PDE11A: variants seen among roughly 807,000 people sequenced by gnomAD.
The protein encoded by PDE11A is phosphodiesterase 11A.
In PDE11A, 100 loss-of-function variants were observed where a neutral mutation model predicts 100.5. The ratio of observed to expected loss-of-function variants is 1.00; its 90% CI spans 0.85 to 1.18. PDE11A has a LOEUF of 1.18. Among genes scored for constraint, PDE11A ranks in the 50% most tolerant of loss-of-function variants. The probability of loss-of-function intolerance (pLI) is 0.00; values close to 1 mark genes in which losing one functional copy is unlikely to be tolerated. For missense variants in PDE11A, 1,141 were observed against 1,152.6 expected (o/e 0.99, Z 0.15); for synonymous variants, 381 against 420.8 (o/e 0.91, Z 1.16).
intron 19 of PDE11A, among the ~76,000 whole-genome samples, chr2:177,651,351 T>TC (rs2080305635): frequency 6.6e-6 from 1 of 152,224 alleles, no homozygotes; most frequent in Non-Finnish European, 1.5e-5. Flanking sequence ...TCCACATACT[T>TC]CACCTCCCTT....
chr2:177,747,534 G>A (rs1245522211), intron 10 of PDE11A, among the ~76,000 whole-genome samples: 1 of 152,184 alleles, frequency 6.6e-6, no homozygotes, highest in Non-Finnish European at 1.5e-5. Context: ...CTTGAAGGAA[G>A]GTAAAGAAGT....
In PDE11A at chr2:177,871,618, G is replaced by T. The variant is rs1574237343; in HGVS notation, c.1367+4241C>A. Among the ~76,000 whole-genome samples the T allele has an allele frequency of 2.0e-5, 3 of 151,016 alleles. No individual in the cohort carries two copies. In the South Asian group the frequency reaches 6.3e-4, roughly 32 times the overall value. On this transcript the variant is annotated intron_variant, in intron 5 of 19. Transcript: ENST00000286063. The stretch of plus-strand genomic sequence containing the variant: ...TGGTGGTTCACGCCAGCACTTTTGG[G>T]AGGCCAAAGCAGGAGGATCCCTTGA...
intron 10 of PDE11A, among the ~76,000 whole-genome samples, chr2:177,740,497 A>G (rs2081856529): frequency 6.6e-6 from 1 of 152,194 alleles, no homozygotes; most frequent in Non-Finnish European, 1.5e-5. Flanking sequence ...AGATTCTATT[A>G]CTAGTCCCAG....
At chr2:177,990,382 T>A (rs2085987714) in intron 2 of PDE11A, among the ~76,000 whole-genome samples, 2 of 152,144 alleles carry the variant, frequency 1.3e-5, no homozygotes, top group Non-Finnish European at 2.9e-5. Flanking sequence ...AGCTTAACGA[T>A]TTTCATTTTC....
At chr2:177,913,597 C>T (rs140239884) in intron 2 of PDE11A, among the ~76,000 whole-genome samples, 10 of 152,256 alleles carry the variant, frequency 6.6e-5, no homozygotes, top group Admixed American at 6.5e-4. Context: ...TGGCTACAGT[C>T]ACACAATATC....
chr2:177,764,860 C>G (rs1057197227), intron 10 of PDE11A, among the ~76,000 whole-genome samples: 1 of 152,198 alleles, frequency 6.6e-6, no homozygotes, highest in Non-Finnish European at 1.5e-5. Flanking sequence ...CAACCTGAAT[C>G]AGACTTTTGA....
chr2:177,865,444 G>T (rs1291217994), intron 5 of PDE11A, among the ~76,000 whole-genome samples: 1 of 152,182 alleles, frequency 6.6e-6, no homozygotes, highest in East Asian at 1.9e-4. Flanking sequence ...GTAGAAAACA[G>T]TCTGACAGTT....
At chr2:177,980,777 C>T (rs927211947) in intron 2 of PDE11A, among the ~76,000 whole-genome samples, 2 of 150,504 alleles carry the variant, frequency 1.3e-5, no homozygotes, top group Admixed American at 6.6e-5. Flanking sequence ...ATAAAAATTT[C>T]GAATTACAAA....
chr2:177,882,723 C>T (rs1166525348), intron 4 of PDE11A, among the ~76,000 whole-genome samples: 2 of 152,164 alleles, frequency 1.3e-5, no homozygotes, highest in African/African-American at 4.8e-5. Context: ...GTAAACAAAA[C>T]ATCTCCCTGC....
At chr2:177,850,128 C>T (rs892380018) in intron 5 of PDE11A, among the ~76,000 whole-genome samples, 1 of 152,168 alleles carries the variant, frequency 6.6e-6, no homozygotes, top group African/African-American at 2.4e-5. Flanking sequence ...TACCTGACTT[C>T]AAACTTTACT....
At chr2:177,941,429 A>G (rs2085344461) in intron 2 of PDE11A, among the ~76,000 whole-genome samples, 1 of 152,150 alleles carries the variant, frequency 6.6e-6, no homozygotes, top group Non-Finnish European at 1.5e-5. Context: ...GTATAGCAGC[A>G]TGGCAATTTT....
chr2:177,683,176 T>A (rs572914364), intron 15 of PDE11A: 1 of 152,226 alleles, frequency 6.6e-6, no homozygotes, highest in Admixed American at 6.5e-5. Flanking sequence ...GGAAGACAAA[T>A]GTATAGTTCA....
intron 19 of PDE11A, among the ~76,000 whole-genome samples, chr2:177,639,018 T>A: frequency 6.6e-6 from 1 of 152,194 alleles, no homozygotes; most frequent in East Asian, 1.9e-4. Flanking sequence ...TACTCTTCCC[T>A]GGGAACTGTA....
intron 10 of PDE11A, among the ~76,000 whole-genome samples, chr2:177,766,133 T>G (rs940034635): frequency 2.0e-5 from 3 of 152,172 alleles, no homozygotes; most frequent in African/African-American, 4.8e-5. Context: ...AAGACAATTT[T>G]TCCATGGACC....
chr2:177,790,775 C>T (rs566062659), intron 9 of PDE11A, among the ~76,000 whole-genome samples: 29 of 152,282 alleles, frequency 1.9e-4, no homozygotes, highest in African/African-American at 2.4e-4. Flanking sequence ...AGCCAAAAGA[C>T]GCATGAAAAA....
chr2:177,687,132 C>A (rs1411209670), intron 15 of PDE11A: 4 of 152,110 alleles, frequency 2.6e-5, no homozygotes, highest in African/African-American at 9.7e-5. Flanking sequence ...ATGGCAAGAT[C>A]ATGTAATAAA....
chr2:177,639,751 C>T (rs1266752875), intron 19 of PDE11A, among the ~76,000 whole-genome samples: 2 of 152,066 alleles, frequency 1.3e-5, no homozygotes, highest in Non-Finnish European at 2.9e-5. Context: ...TATTAGTTGA[C>T]CACAGTTACC....
chr2:177,839,090 G>T lies in PDE11A; in HGVS notation c.1500+1161C>A, dbSNP rs144286417. Among the ~76,000 whole-genome samples, 22 of 152,278 alleles carry T rather than the reference G, an allele frequency of 1.4e-4. No individual in the cohort carries two copies. In the East Asian group the frequency reaches 3.5e-3, roughly 24 times the overall value. On this transcript the variant is annotated intron_variant, in intron 6 of 19. Coordinates refer to ENST00000286063, the MANE Select transcript of PDE11A (RefSeq NM_016953.4). ...AGCTACAGGGAGGTGGTAAGTTTGG[G>T]AATATAAGGTTTTCCTGCAGAGATC...
At chr2:178,074,231 C>G (rs1247630957), upstream of PDE11A, among the ~76,000 whole-genome samples, 1 of 150,682 alleles carries the variant, frequency 6.6e-6, no homozygotes, top group Non-Finnish European at 1.5e-5. Flanking sequence ...GTGGGTGACG[C>G]TAATGTGTAT....
Sources: gnomAD v4.1 joint callset for allele counts (sites outside exome capture counted in the v4.1 genomes callset) on GRCh38, gnomAD v4.1.1 for gene constraint, MANE v1.5 for transcripts, NCBI Gene and HGNC (gene_info 2026-07-23, HGNC 2026-07-21) for gene names.